Variants in KLHL13 observed in about 807,000 individuals in gnomAD.
KLHL13 encodes the protein kelch-like protein 13.
KLHL13 carries 10 observed loss-of-function variants against 37.1 expected under a neutral mutation model. The ratio of observed to expected loss-of-function variants is 0.27; its 90% CI spans 0.17 to 0.46. The LOEUF is 0.46. KLHL13 is among the 20% of genes least tolerant of loss of function. KLHL13 has a pLI of 1.00. For missense variants in KLHL13, 360 were observed against 509.3 expected (o/e 0.71, Z 2.82); for synonymous variants, 163 against 181.2 (o/e 0.90, Z 0.81).
At chrX:117,973,691 T>G in exon 1 of KLHL13, 1 of 844,963 alleles carries the variant, frequency 1.2e-6, no homozygotes. Context: ...AACACAAATA[T>G]CACTCTCTCT....
At chrX:117,940,723 C>T (rs1602574530) in intron 2 of KLHL13, among the ~76,000 whole-genome samples, 1 of 111,252 alleles carries the variant, frequency 9.0e-6, no homozygotes, top group Non-Finnish European at 1.9e-5. Context: ...TGGGAGTTCA[C>T]TCATGATTTG....
chrX:118,014,841 T>C lies in KLHL13; in HGVS notation c.-55-69266A>G, dbSNP rs148282927. On this transcript the variant is annotated intron_variant, in intron 1 of 6. Coordinates refer to the KLHL13 transcript ENST00000371882. ...GGCCTAAATATCTAATATTAAGACA[T>C]TGTTTGTACCACAGAATGGCTTATG... is the stretch of plus-strand genomic sequence containing the variant. Among the ~76,000 whole-genome samples, 891 of 112,558 alleles carry C rather than the reference T, an allele frequency of 7.9e-3. 12 individuals are homozygous for C. Among genetic ancestry groups the C allele is most frequent in the African/African-American group, 0.027 (847 of 30,985 alleles).
At chrX:118,063,486 C>G (rs1372958436) in intron 1 of KLHL13, among the ~76,000 whole-genome samples, 2 of 111,490 alleles carry the variant, frequency 1.8e-5, no homozygotes, top group East Asian at 5.6e-4. Context: ...GGGCCAATAT[C>G]TGGGCCAGTA....
chrX:117,995,505 A>G (rs2053845100), intron 1 of KLHL13, among the ~76,000 whole-genome samples: 1 of 111,610 alleles, frequency 9.0e-6, no homozygotes, highest in South Asian at 3.8e-4. Flanking sequence ...ATAAGTATAC[A>G]TGTGCCATGG....
At chrX:118,061,694 CA>C (rs1454293591) in intron 1 of KLHL13, among the ~76,000 whole-genome samples, 1 of 110,933 alleles carries the variant, frequency 9.0e-6, no homozygotes, top group East Asian at 2.8e-4. Context: ...GGAACCTCTG[CA>C]AAAAATGGCA....
chrX:118,054,898 T>C (rs2054668356), intron 1 of KLHL13, among the ~76,000 whole-genome samples: 3 of 110,871 alleles, frequency 2.7e-5, no homozygotes, highest in Non-Finnish European at 5.7e-5. Context: ...CCTGTTCTGA[T>C]AAAATTCATA....
intron 1 of KLHL13, among the ~76,000 whole-genome samples, chrX:117,980,180 C>T (rs2053644692): frequency 9.0e-6 from 1 of 111,501 alleles, no homozygotes; most frequent in African/African-American, 3.3e-5. Context: ...AAATCCTGCA[C>T]TATTTTGGTA....
chrX:118,033,182 A>G (rs1301670906), intron 1 of KLHL13, among the ~76,000 whole-genome samples: 1 of 111,668 alleles, frequency 9.0e-6, no homozygotes, highest in African/African-American at 3.3e-5. Flanking sequence ...GATATTATCC[A>G]GGAGAACTTC....
intron 1 of KLHL13, among the ~76,000 whole-genome samples, chrX:118,088,503 T>C (rs1379963433): frequency 2.7e-5 from 3 of 111,935 alleles, no homozygotes; most frequent in Non-Finnish European, 5.6e-5. Flanking sequence ...CTTACAGATA[T>C]AACAGACACA....
At position 118,099,902 on chromosome X, in the gene KLHL13, G is replaced by A. The variant is rs191123029; in HGVS notation, c.-56+16606C>T. The stretch of plus-strand genomic sequence containing the variant: ...AGAAAGGAAGGAAGGAAAGAAGGAA[G>A]GAAAGAAGGAAGGAAGAAAGGAAGG... On this transcript the variant is annotated intron_variant, in intron 1 of 6. Coordinates refer to the KLHL13 transcript ENST00000371882. Among the ~76,000 whole-genome samples the A allele has an allele frequency of 8.3e-3, 782 of 94,499 alleles. 10 individuals are homozygous for A. Among genetic ancestry groups the A allele is most frequent in the African/African-American group, 0.033 (692 of 20,678 alleles). The allele number at this position is 94,499 out of a possible 115,157, so 82.1% of individuals were successfully genotyped here.
intron 3 of KLHL13, 142 bp downstream of exon 4, chrX:117,920,095 AC>A: frequency 3.6e-6 from 2 of 552,558 alleles, no homozygotes; most frequent in Admixed American, 4.0e-5. Context: ...AAACAGCACC[AC>A]CGAAAACCAT....
intron 4 of KLHL13, among the ~76,000 whole-genome samples, chrX:117,910,890 A>G (rs1930941408): frequency 9.0e-6 from 1 of 111,400 alleles, no homozygotes; most frequent in Admixed American, 9.6e-5. Flanking sequence ...TGAGCCCAGA[A>G]CCATCTCCCC....
chrX:117,939,793 T>C (rs1045399158), intron 2 of KLHL13, among the ~76,000 whole-genome samples: 1 of 112,189 alleles, frequency 8.9e-6, no homozygotes, highest in Admixed American at 9.4e-5. Flanking sequence ...GGGTGGTTTG[T>C]TTTTTTCTTG....
intron 1 of KLHL13, among the ~76,000 whole-genome samples, chrX:118,016,791 G>C (rs1230464212): frequency 9.0e-6 from 1 of 111,222 alleles, no homozygotes; most frequent in Non-Finnish European, 1.9e-5. Flanking sequence ...TGGGTCTTGA[G>C]GAACAAGTAG....
intron 1 of KLHL13, among the ~76,000 whole-genome samples, chrX:118,114,534 T>G (rs1028799362): frequency 1.8e-5 from 2 of 112,506 alleles, no homozygotes; most frequent in Non-Finnish European, 1.9e-5. Flanking sequence ...GAAAATAGTA[T>G]AAACTCTTTT....
chrX:117,900,468 T>C (rs145165266), intron 6 of KLHL13, among the ~76,000 whole-genome samples: 3,160 of 111,113 alleles, frequency 0.028, 123 homozygotes, highest in African/African-American at 0.097. Flanking sequence ...CTCAGAGGAG[T>C]TGGAGCTCTC....
chrX:117,946,237 CACTT>C (rs1359288384), intron 1 of KLHL13: 4 of 112,193 alleles, frequency 3.6e-5, no homozygotes, highest in African/African-American at 9.7e-5. Context: ...CAGTATCTCT[CACTT>C]ACCAGTTTGG....
intron 1 of KLHL13, among the ~76,000 whole-genome samples, chrX:118,021,025 A>T (rs1317097632): frequency 7.1e-5 from 7 of 98,379 alleles, no homozygotes; most frequent in African/African-American, 2.6e-4. Flanking sequence ...TAGCATTGGG[A>T]GATATACCTA....
chrX:117,973,304 A>C, exon 1 of KLHL13: 1 of 967,377 alleles, frequency 1.0e-6, no homozygotes, highest in Non-Finnish European at 1.3e-6. Context: ...TGAAACAACA[A>C]CATACCTACT....
Sources: allele counts gnomAD v4.1 joint callset (sites outside exome capture counted in the v4.1 genomes callset), GRCh38; gene constraint gnomAD v4.1.1; transcripts MANE v1.5; gene names NCBI Gene and HGNC (gene_info 2026-07-23, HGNC 2026-07-21).